RNLS: variants seen among roughly 807,000 people sequenced by gnomAD.
RNLS encodes the protein renalase.
A neutral mutation model predicts 39.8 loss-of-function variants in RNLS; 39 were observed. The ratio of observed to expected loss-of-function variants is 0.98; its 90% CI spans 0.76 to 1.28. The LOEUF (loss-of-function observed/expected upper bound fraction) is 1.28, where lower values mean the gene tolerates loss of function less well. Ranked by LOEUF, RNLS falls within the 50% of genes most tolerant of loss-of-function variation. The pLI, the probability that RNLS is intolerant of heterozygous loss-of-function variation, is 0.00. For missense variants in RNLS, 410 were observed against 413.3 expected, an observed-to-expected ratio of 0.99 and a Z score of 0.07; for synonymous variants, 147 against 150.7, an observed-to-expected ratio of 0.98 and a Z score of 0.18.
chr10:88,463,085 A>C (rs924080154), intron 4 of RNLS, among the ~76,000 whole-genome samples: 5 of 152,056 alleles, frequency 3.3e-5, no homozygotes, highest in Non-Finnish European at 5.9e-5. Context: ...ACAAAGCATT[A>C]ATCTTTTCTT....
intron 4 of RNLS, among the ~76,000 whole-genome samples, chr10:88,563,874 A>G (rs1849339473): frequency 6.6e-6 from 1 of 152,184 alleles, no homozygotes; most frequent in Admixed American, 6.5e-5. Context: ...ATGTAAGCAA[A>G]ATTATTCAGT....
chr10:88,515,145 A>G (rs1259715908), intron 4 of RNLS, among the ~76,000 whole-genome samples: 1 of 152,032 alleles, frequency 6.6e-6, no homozygotes, highest in Non-Finnish European at 1.5e-5. Flanking sequence ...AACTCTCTAT[A>G]TTAAGGAAAC....
At chr10:88,485,512 G>A (rs1009403023) in intron 4 of RNLS, among the ~76,000 whole-genome samples, 1 of 151,454 alleles carries the variant, frequency 6.6e-6, no homozygotes, top group Admixed American at 6.6e-5. Context: ...TTGAAGAAAA[G>A]TTTGAAAAAA....
chr10:88,460,073 G>A (rs1276107862), intron 4 of RNLS, among the ~76,000 whole-genome samples: 1 of 152,142 alleles, frequency 6.6e-6, no homozygotes, highest in East Asian at 1.9e-4. Flanking sequence ...ATCCTCGTGA[G>A]ATCCTTCAGA....
downstream of RNLS, among the ~76,000 whole-genome samples, chr10:88,271,941 C>T (rs143378197): frequency 8.5e-5 from 13 of 152,256 alleles, no homozygotes; most frequent in East Asian, 2.5e-3. Flanking sequence ...TCATGTCTAC[C>T]AGAGAAAATG....
the RNLS span, among the ~76,000 whole-genome samples, chr10:88,217,149 T>C: frequency 6.6e-6 from 1 of 152,146 alleles, no homozygotes; most frequent in African/African-American, 2.4e-5. Flanking sequence ...CTAAGACCAG[T>C]ATTGTGCTAC....
intron 4 of RNLS, among the ~76,000 whole-genome samples, chr10:88,512,826 C>T (rs1846204997): frequency 6.6e-6 from 1 of 152,176 alleles, no homozygotes; most frequent in South Asian, 2.1e-4. Context: ...CCTCTCATTA[C>T]TGGCAGTGCA....
At chr10:88,495,624 G>C (rs1845127608) in intron 4 of RNLS, among the ~76,000 whole-genome samples, 1 of 152,116 alleles carries the variant, frequency 6.6e-6, no homozygotes, top group Admixed American at 6.6e-5. Flanking sequence ...AAAATTTGCA[G>C]AGAAGGAGAG....
chr10:88,495,641 G>T (rs1006067808), intron 4 of RNLS, among the ~76,000 whole-genome samples: 7 of 152,082 alleles, frequency 4.6e-5, no homozygotes, highest in African/African-American at 1.7e-4. Flanking sequence ...AGAGAATATA[G>T]AAATGGAAAT....
chr10:88,192,464 C>T, the RNLS span, among the ~76,000 whole-genome samples: 4 of 152,204 alleles, frequency 2.6e-5, no homozygotes, highest in Non-Finnish European at 5.9e-5. Context: ...CAAAGTCAGA[C>T]ACATCTTTTT....
chr10:88,340,881 G>A (rs1847885510), intron 5 of RNLS, among the ~76,000 whole-genome samples: 1 of 151,682 alleles, frequency 6.6e-6, no homozygotes, highest in Non-Finnish European at 1.5e-5. Flanking sequence ...CCAACATGGT[G>A]AAACCCCATC....
intron 6 of RNLS, among the ~76,000 whole-genome samples, chr10:88,303,619 G>T (rs1310821390): frequency 6.6e-6 from 1 of 151,922 alleles, no homozygotes; most frequent in Non-Finnish European, 1.5e-5. Flanking sequence ...TGCTTTGCCG[G>T]TGCATGTCTG....
chr10:88,516,255 T>C (rs1589937810), intron 4 of RNLS, among the ~76,000 whole-genome samples: 1 of 152,050 alleles, frequency 6.6e-6, no homozygotes, highest in East Asian at 1.9e-4. Context: ...GATAAGGAAA[T>C]ATCTAAATCT....
At chr10:88,531,425 C>T (rs1045275591) in intron 4 of RNLS, among the ~76,000 whole-genome samples, 5 of 151,904 alleles carry the variant, frequency 3.3e-5, no homozygotes, top group Admixed American at 1.3e-4. Flanking sequence ...GAAAAACCCC[C>T]GTTAGATTAG....
At chr10:88,567,333 A>G (rs899120753) in intron 4 of RNLS, among the ~76,000 whole-genome samples, 2 of 152,196 alleles carry the variant, frequency 1.3e-5, no homozygotes, top group Admixed American at 1.3e-4. Context: ...TTTAGGAGAC[A>G]GTCTATGACA....
the RNLS span, among the ~76,000 whole-genome samples, chr10:88,262,030 C>T: frequency 1.1e-4 from 16 of 152,040 alleles, no homozygotes; most frequent in African/African-American, 2.7e-4. Context: ...AAAGGCAAAC[C>T]GGCTGGAGAA....
chr10:88,406,341 C>A (rs544596079), intron 4 of RNLS, among the ~76,000 whole-genome samples: 1 of 152,222 alleles, frequency 6.6e-6, no homozygotes, highest in African/African-American at 2.4e-5. Flanking sequence ...GAATTCTCTT[C>A]TTCCTCAGGA....
chr10:88,206,819 C>A, the RNLS span, among the ~76,000 whole-genome samples: 1 of 151,732 alleles, frequency 6.6e-6, no homozygotes, highest in Non-Finnish European at 1.5e-5. Flanking sequence ...AAAAGAAGGC[C>A]TTTTTTTTGT....
intron 4 of RNLS, among the ~76,000 whole-genome samples, chr10:88,389,048 TGG>T (rs1212307233): frequency 6.6e-6 from 1 of 152,184 alleles, no homozygotes; most frequent in Non-Finnish European, 1.5e-5. Context: ...TGCCATCATC[TGG>T]GGAGTTCTAT....
Sources: allele counts gnomAD v4.1 joint callset (sites outside exome capture counted in the v4.1 genomes callset), GRCh38; gene constraint gnomAD v4.1.1; transcripts MANE v1.5; gene names NCBI Gene and HGNC (gene_info 2026-07-23, HGNC 2026-07-21).